Variants in CCBE1 observed in about 807,000 individuals in gnomAD.
CCBE1 encodes the protein collagen and calcium binding EGF domains 1, also known as collagen and calcium-binding EGF domain-containing protein 1.
Under a neutral mutation model 50.0 loss-of-function variants are expected in CCBE1, and 37 were observed. The ratio of observed to expected loss-of-function variants is 0.74; its 90% CI spans 0.57 to 0.97. The LOEUF (loss-of-function observed/expected upper bound fraction) is 0.97, where lower values mean the gene tolerates loss of function less well. Among genes scored for constraint, CCBE1 ranks in the 50% least tolerant of loss-of-function variants. The probability of loss-of-function intolerance (pLI) is 0.00; values close to 1 mark genes in which losing one functional copy is unlikely to be tolerated. For missense variants in CCBE1, 538 were observed against 523.8 expected (o/e 1.03, Z -0.26); for synonymous variants, 234 against 203.7 (o/e 1.15, Z -1.27).
At chr18:59,542,572 T>A (rs1006649399) in intron 2 of CCBE1, among the ~76,000 whole-genome samples, 2 of 152,218 alleles carry the variant, frequency 1.3e-5, no homozygotes, top group African/African-American at 4.8e-5. Flanking sequence ...TCCTTAATGT[T>A]CTATTGCACC....
chr18:59,435,325 T>C lies in CCBE1; in HGVS notation c.*583A>G, dbSNP rs748705977. On this transcript the variant is annotated 3_prime_UTR_variant, in exon 11 of 11. Coordinates refer to ENST00000439986, the MANE Select transcript of CCBE1 (RefSeq NM_133459.4). ...CCATTCAATTCTCTCCTCTCTTTAA[T>C]TGAATTTGGGAAACAAGGTTTGACA... is the stretch of plus-strand genomic sequence containing the variant. The C allele has an allele frequency of 3.8e-5, 6 of 157,898 alleles. No individual in the cohort carries two copies. The highest frequency in any genetic ancestry group is 1.8e-4 in the Admixed American group (3 of 16,494). The allele number at this position is 157,898 out of a possible 1,614,324, so 9.8% of individuals were successfully genotyped here.
intron 3 of CCBE1, among the ~76,000 whole-genome samples, chr18:59,471,169 G>A (rs939462925): frequency 2.6e-5 from 4 of 152,200 alleles, no homozygotes; most frequent in South Asian, 4.1e-4. Context: ...AGAGGCTGTC[G>A]AAGTGTTTGA....
rs369248982 is a variant in CCBE1, at chr18:59,602,114, CTT to C, written c.212+94513_212+94514del. Among the ~76,000 whole-genome samples the C allele has an allele frequency of 3.5e-3, 500 of 143,078 alleles. 3 individuals are homozygous for C. Among genetic ancestry groups the C allele is most frequent in the African/African-American group, 0.012 (475 of 39,366 alleles). The allele number at this position is 143,078 out of a possible 152,430, so 93.9% of individuals were successfully genotyped here. A position where few individuals can be genotyped will look rare whatever the true frequency, so the allele number is the denominator to read the frequency against. On this transcript the variant is annotated intron_variant, in intron 2 of 10. Coordinates refer to ENST00000439986, the MANE Select transcript of CCBE1 (RefSeq NM_133459.4). ...CATTTGTTATTACAAATGTGAATTC[CTT>C]TTTTTTTTTTTAATATATTTTTACT... is the stretch of plus-strand genomic sequence containing the variant.
chr18:59,625,191 G>T (rs2053764384), intron 2 of CCBE1, among the ~76,000 whole-genome samples: 1 of 152,180 alleles, frequency 6.6e-6, no homozygotes, highest in African/African-American at 2.4e-5. Context: ...CAGCACTTTG[G>T]GAGGCTGAGG....
At chr18:59,492,109 C>A (rs1388670799) in intron 2 of CCBE1, among the ~76,000 whole-genome samples, 1 of 130,342 alleles carries the variant, frequency 7.7e-6, no homozygotes, top group Non-Finnish European at 1.5e-5. Context: ...TGTGCCACTG[C>A]ACTCCAGCCT....
intron 2 of CCBE1, among the ~76,000 whole-genome samples, chr18:59,603,880 C>T (rs2053462900): frequency 6.6e-6 from 1 of 152,314 alleles, no homozygotes; most frequent in Non-Finnish European, 1.5e-5. Flanking sequence ...TCTGTCCTGA[C>T]CTCCTCAGGC....
rs557827459 is a variant in CCBE1 at position 59,597,595 on chromosome 18, T to C, written c.212+99034A>G. On this transcript the variant is annotated intron_variant, in intron 2 of 10. Transcript: ENST00000439986. ...TAGTAGTAGAAGAAAGGTGAGTTGGTTAATGAAGAAAAAACGGGGAAAAGT... is the reference window on the plus strand; with the variant it reads ...TAGTAGTAGAAGAAAGGTGAGTTGGCTAATGAAGAAAAAACGGGGAAAAGT... Among the ~76,000 whole-genome samples, 14 of 152,302 alleles carry C rather than the reference T, an allele frequency of 9.2e-5. No homozygotes were observed. In the South Asian group the frequency reaches 2.9e-3, roughly 32 times the overall value.
chr18:59,436,159 A>T lies in CCBE1; in HGVS notation c.988-18T>A, dbSNP rs1479998245. On this transcript the variant is annotated intron_variant, in intron 10 of 10. Transcript: ENST00000439986. ...GGGGGTCCCTGTGTACATGGGAGGA[A>T]TCAAAGCTAGAATACGACAGACAGC... The T allele has an allele frequency of 6.2e-7, 1 of 1,611,042 alleles. No homozygotes were observed. Among genetic ancestry groups the T allele is most frequent in the East Asian group, 2.2e-5 (1 of 44,878 alleles).
chr18:59,543,800 A>C (rs369818766), intron 2 of CCBE1, among the ~76,000 whole-genome samples: 5 of 134,666 alleles, frequency 3.7e-5, no homozygotes, highest in African/African-American at 1.4e-4. Flanking sequence ...GCGCCACTGC[A>C]CTCCAGGCTG....
chr18:59,601,303 G>A lies in CCBE1; in HGVS notation c.212+95326C>T, dbSNP rs971998897. On this transcript the variant is annotated intron_variant, in intron 2 of 10. Coordinates refer to ENST00000439986, the MANE Select transcript of CCBE1 (RefSeq NM_133459.4). ...CATAATCCCCACGTGTCATGGGAGG[G>A]ACCAGTGGGAGGTAACTGAATCATG... Among the ~76,000 whole-genome samples, 5 of 152,104 alleles carry A rather than the reference G, an allele frequency of 3.3e-5. No homozygotes were observed. The South Asian group carries it at 1.0e-3, about 32-fold the overall frequency.
chr18:59,488,140 A>G (rs1178905879), intron 2 of CCBE1, among the ~76,000 whole-genome samples: 2 of 152,366 alleles, frequency 1.3e-5, no homozygotes, highest in African/African-American at 4.8e-5. Context: ...AGAGTATCCA[A>G]ATTCAAAGAG....
chr18:59,547,871 C>A (rs1035349613), intron 2 of CCBE1, among the ~76,000 whole-genome samples: 3 of 152,156 alleles, frequency 2.0e-5, no homozygotes, highest in Admixed American at 6.5e-5. Flanking sequence ...AGGAGAAAAC[C>A]GAGATCATCC....
chr18:59,521,820 C>T (rs545284847), intron 2 of CCBE1, among the ~76,000 whole-genome samples: 1 of 151,908 alleles, frequency 6.6e-6, no homozygotes, highest in East Asian at 1.9e-4. Flanking sequence ...TGGTGGACAT[C>T]GACAAAAAAG....
rs2143599729 is a variant in CCBE1 at position 59,434,779 on chromosome 18, A to G, written c.*1129T>C. The G allele has an allele frequency of 6.6e-6, 1 of 152,360 alleles. No individual in the cohort carries two copies. Among genetic ancestry groups the G allele is most frequent in the South Asian group, 2.1e-4 (1 of 4,826 alleles). 9.4% of individuals were successfully genotyped at this position (152,360 alleles called of 1,614,324 possible). A position where few individuals can be genotyped will look rare whatever the true frequency, so the allele number is the denominator to read the frequency against. On this transcript the variant is annotated 3_prime_UTR_variant, in exon 11 of 11. Transcript: ENST00000439986. ...TTCTCCCCATCCAAGATAACTTTCA[A>G]TAGTGTATTACTCTCAATATGTTGG...
intron 2 of CCBE1, among the ~76,000 whole-genome samples, chr18:59,578,470 T>C (rs1283232987): frequency 6.6e-6 from 1 of 152,196 alleles, no homozygotes; most frequent in Admixed American, 6.5e-5. Context: ...GGATTATAAA[T>C]CATTCTACTA....
At chr18:59,545,932 GTC>G (rs1568198273) in intron 2 of CCBE1, among the ~76,000 whole-genome samples, 1 of 151,208 alleles carries the variant, frequency 6.6e-6, no homozygotes, top group African/African-American at 2.5e-5. Flanking sequence ...TCTCAGGTAC[GTC>G]TCTTTGTCAG....
chr18:59,499,633 C>G (rs191259208), intron 2 of CCBE1, among the ~76,000 whole-genome samples: 1 of 152,118 alleles, frequency 6.6e-6, no homozygotes, highest in Non-Finnish European at 1.5e-5. Flanking sequence ...GAGAACAGCA[C>G]GGGAAAGAAC....
In CCBE1 at chr18:59,466,722, A is replaced by T. The variant is rs373086776; in HGVS notation, c.553+17T>A. On this transcript the variant is annotated intron_variant, in intron 5 of 10. Transcript: ENST00000439986. ...AAAATATGTAATTAGGGAGATATTT[A>T]GACTTGCCCTACTTACCAGTGTCAT... The T allele has an allele frequency of 1.3e-4, 215 of 1,604,536 alleles. No homozygotes were observed. In the African/African-American group the frequency reaches 2.6e-3, roughly 20 times the overall value.
chr18:59,515,960 T>A (rs4567839), intron 2 of CCBE1, among the ~76,000 whole-genome samples: 34,297 of 146,974 alleles, frequency 0.23, 5,125 homozygotes, highest in Non-Finnish European at 0.34. Context: ...ACATTTGTGC[T>A]TTTACTTTTA....
Sources: allele counts gnomAD v4.1 joint callset (sites outside exome capture counted in the v4.1 genomes callset), GRCh38; gene constraint gnomAD v4.1.1; transcripts MANE v1.5; gene names NCBI Gene and HGNC (gene_info 2026-07-23, HGNC 2026-07-21).